SMC5: variants seen among roughly 807,000 people sequenced by gnomAD.
SMC5 encodes the protein structural maintenance of chromosomes 5, also known as structural maintenance of chromosomes protein 5.
Under a neutral mutation model 148.3 loss-of-function variants are expected in SMC5, and 88 were observed. The ratio of observed to expected loss-of-function variants is 0.59; its 90% CI spans 0.50 to 0.71. The LOEUF (loss-of-function observed/expected upper bound fraction) is 0.71. SMC5 is among the 30% of genes least tolerant of loss of function. The pLI is 0.00. For missense variants in SMC5, 1,142 were observed against 1,298.9 expected (o/e 0.88, Z 1.86); for synonymous variants, 421 against 432.8 (o/e 0.97, Z 0.34).
At chr9:70,292,150 A>AGG (rs1230225828) in intron 8 of SMC5, among the ~76,000 whole-genome samples, 1 of 151,636 alleles carries the variant, frequency 6.6e-6, no homozygotes, top group Non-Finnish European at 1.5e-5. Context: ...TTTATGGAGG[A>AGG]GAAGATTTCT....
At chr9:70,279,804 CA>C (rs1399552777) in intron 5 of SMC5, among the ~76,000 whole-genome samples, 2 of 73,414 alleles carry the variant, frequency 2.7e-5, no homozygotes, top group Non-Finnish European at 2.6e-5. Context: ...GCAACAAGAG[CA>C]AAACTCCGTT....
At chr9:70,302,752 A>G (rs1205356204) in intron 10 of SMC5, among the ~76,000 whole-genome samples, 1 of 152,202 alleles carries the variant, frequency 6.6e-6, no homozygotes, top group African/African-American at 2.4e-5. Context: ...AATGTGTATT[A>G]CACTTGGGAA....
At chr9:70,350,569 A>G (rs1167832979) in intron 24 of SMC5, 98 bp downstream of exon 24, 2 of 702,644 alleles carry the variant, frequency 2.8e-6, no homozygotes, top group Non-Finnish European at 4.5e-6. Flanking sequence ...TAGCAGGAAC[A>G]CTCCCAAAAA....
At chr9:70,296,741 G>A (rs1054803317) in intron 8 of SMC5, among the ~76,000 whole-genome samples, 2 of 152,054 alleles carry the variant, frequency 1.3e-5, no homozygotes, top group African/African-American at 4.8e-5. Flanking sequence ...CTATTTTAAT[G>A]CAAAATTCTA....
In SMC5 at chr9:70,305,289, C is replaced by T; in HGVS notation, c.1507C>T (p.His503Tyr). 1 of 1,598,950 alleles carries T rather than the reference C, an allele frequency of 6.3e-7. No homozygotes were observed. Among genetic ancestry groups the T allele is most frequent in the Non-Finnish European group, 8.5e-7 (1 of 1,169,882 alleles). ...TAAAAATGCCAAATATATTGAAAATCATATTCCATCAAATGACTTAAGAGC... is the reference window on the plus strand; with the variant it reads ...TAAAAATGCCAAATATATTGAAAATTATATTCCATCAAATGACTTAAGAGC... ...DNKNAKYIEN[H>Y]IPSNDLRAFV... The change falls in exon 11 of 25, where the codon CAT (histidine) becomes TAT (tyrosine). Residue 503 changes from histidine to tyrosine, a missense_variant. Physicochemically the swap from His to Tyr is moderately conservative, Grantham distance 83. Around this residue, in one of 5 missense-constraint regions of SMC5, gnomAD observed 743 missense variants for 835.7 expected, o/e 0.89. Coordinates refer to ENST00000361138, the MANE Select transcript of SMC5 (RefSeq NM_015110.4).
At chr9:70,350,558 T>G in intron 24 of SMC5, 87 bp downstream of exon 24, 1 of 817,976 alleles carries the variant, frequency 1.2e-6, no homozygotes, top group Non-Finnish European at 1.9e-6. Flanking sequence ...CATGCACATA[T>G]TAGCAGGAAC....
chr9:70,259,749 AT>A (rs1207442133), intron 1 of SMC5, among the ~76,000 whole-genome samples: 1 of 152,164 alleles, frequency 6.6e-6, no homozygotes, highest in African/African-American at 2.4e-5. Context: ...GTACAAAAAA[AT>A]TAAACACTTA....
At chr9:70,334,107 A>G (rs1434479850) in intron 17 of SMC5, among the ~76,000 whole-genome samples, 1 of 151,408 alleles carries the variant, frequency 6.6e-6, no homozygotes, top group Non-Finnish European at 1.5e-5. Context: ...AGACATCCAC[A>G]TATTTATGGT....
intron 3 of SMC5, among the ~76,000 whole-genome samples, chr9:70,268,524 C>T (rs145099183): frequency 1.9e-3 from 284 of 149,902 alleles, no homozygotes; most frequent in African/African-American, 6.7e-3. Context: ...AAGTTTATAG[C>T]AGGTAATGAA....
At position 70,339,202 on chromosome 9, in the gene SMC5, G is replaced by A. The variant is rs749531467; in HGVS notation, c.2398-4942G>A. On this transcript the variant is annotated intron_variant, in intron 17 of 24. Coordinates refer to ENST00000361138, the MANE Select transcript of SMC5 (RefSeq NM_015110.4). ...CCCAGCACTTTGGGAGGCCGAGGTGGGTGGATCACGAGGTCGGGAGATCGA... is the reference window on the plus strand; with the variant it reads ...CCCAGCACTTTGGGAGGCCGAGGTGAGTGGATCACGAGGTCGGGAGATCGA... Among the ~76,000 whole-genome samples the A allele has an allele frequency of 2.0e-4, 30 of 152,206 alleles. No homozygotes were observed. In the Middle Eastern group the frequency reaches 0.01, roughly 52 times the overall value.
At chr9:70,327,809 C>G (rs1488363426) in intron 17 of SMC5, among the ~76,000 whole-genome samples, 1 of 152,152 alleles carries the variant, frequency 6.6e-6, no homozygotes, top group East Asian at 1.9e-4. Context: ...TAGGGTATCT[C>G]TTCTCACACT....
intron 3 of SMC5, among the ~76,000 whole-genome samples, chr9:70,270,717 G>A (rs543734876): frequency 6.8e-6 from 1 of 146,672 alleles, no homozygotes; most frequent in Admixed American, 7.0e-5. Context: ...TGCAATCTCG[G>A]CTCACTGCAA....
At chr9:70,314,138 CT>C (rs1758182977) in intron 11 of SMC5, among the ~76,000 whole-genome samples, 1 of 152,106 alleles carries the variant, frequency 6.6e-6, no homozygotes, top group African/African-American at 2.4e-5. Context: ...AGAATTTACC[CT>C]CTCAGTTTAC....
At chr9:70,272,677 T>G (rs1374484336) in intron 3 of SMC5, among the ~76,000 whole-genome samples, 1 of 152,206 alleles carries the variant, frequency 6.6e-6, no homozygotes, top group Admixed American at 6.5e-5. Flanking sequence ...AGTATTATGA[T>G]GGATTAAATC....
chr9:70,288,794 A>G (rs2034976458), intron 8 of SMC5, among the ~76,000 whole-genome samples: 2 of 152,082 alleles, frequency 1.3e-5, no homozygotes, highest in Non-Finnish European at 2.9e-5. Flanking sequence ...ACACTGCTTT[A>G]TGGTCAATAA....
chr9:70,347,877 T>C (rs1564074910), intron 21 of SMC5, 42 bp from the exon 22 acceptor site: 3 of 1,540,424 alleles, frequency 1.9e-6, no homozygotes, highest in Non-Finnish European at 2.6e-6. Context: ...AATATAGTAA[T>C]ACTGCTTTTA....
At chr9:70,349,449 G>C (rs2036752125) in intron 22 of SMC5, among the ~76,000 whole-genome samples, 1 of 152,128 alleles carries the variant, frequency 6.6e-6, no homozygotes, top group Admixed American at 6.6e-5. Flanking sequence ...GTAAACCTTA[G>C]AGCATCCTCA....
At chr9:70,348,169 A>G (rs2036715618) in intron 22 of SMC5, 131 bp downstream of exon 22, 6 of 919,920 alleles carry the variant, frequency 6.5e-6, no homozygotes, top group Admixed American at 7.5e-5. Flanking sequence ...ATGTTGAAAG[A>G]AAGGAGAAAA....
At chr9:70,271,088 T>C (rs1291820514) in intron 3 of SMC5, among the ~76,000 whole-genome samples, 1 of 150,686 alleles carries the variant, frequency 6.6e-6, no homozygotes, top group Admixed American at 6.6e-5. Context: ...AAATCTGAAA[T>C]ATGAAACACC....
Sources: gnomAD v4.1 joint callset for allele counts (sites outside exome capture counted in the v4.1 genomes callset) on GRCh38, gnomAD v4.1.1 for gene constraint, gnomAD v4.1.1 regional missense constraint, MANE v1.5 for transcripts, NCBI Gene and HGNC (gene_info 2026-07-23, HGNC 2026-07-21) for gene names.